NOL4: variants seen among roughly 807,000 people sequenced by gnomAD.
NOL4 encodes the protein cancer/testis antigen 125.
A neutral mutation model predicts 75.9 loss-of-function variants in NOL4; 17 were observed. The ratio of observed to expected loss-of-function variants is 0.22; its 90% CI spans 0.15 to 0.34. The LOEUF is 0.34. Ranked by LOEUF, NOL4 falls within the 10% of genes least tolerant of loss-of-function variation. NOL4 has a pLI of 1.00. For synonymous variants in NOL4, 292 were observed against 289.9 expected (o/e 1.01, Z -0.07); for missense variants, 614 against 793.5 (o/e 0.77, Z 2.72).
At chr18:33,947,958 G>A (rs1043725080) in intron 8 of NOL4, among the ~76,000 whole-genome samples, 1 of 151,878 alleles carries the variant, frequency 6.6e-6, no homozygotes, top group African/African-American at 2.4e-5. Context: ...TTGATAAAAT[G>A]TACCGTCACA....
intron 10 of NOL4, among the ~76,000 whole-genome samples, chr18:33,867,152 C>T (rs1311909272): frequency 1.3e-5 from 2 of 152,052 alleles, no homozygotes; most frequent in Non-Finnish European, 2.9e-5. Flanking sequence ...AATTGTTTGC[C>T]TAAATTCACA....
intron 9 of NOL4, among the ~76,000 whole-genome samples, chr18:33,927,237 T>C (rs2067392431): frequency 6.6e-6 from 1 of 152,176 alleles, no homozygotes; most frequent in South Asian, 2.1e-4. Flanking sequence ...GATCTTATTG[T>C]AGGACTTTCA....
chr18:33,948,877 A>C (rs575305782), intron 8 of NOL4, among the ~76,000 whole-genome samples: 1 of 152,136 alleles, frequency 6.6e-6, no homozygotes, highest in Non-Finnish European at 1.5e-5. Context: ...ATATACACGG[A>C]AGTGCATTAT....
intron 2 of NOL4, among the ~76,000 whole-genome samples, chr18:34,109,737 T>C (rs1039526073): frequency 1.3e-5 from 2 of 151,864 alleles, no homozygotes; most frequent in African/African-American, 4.8e-5. Context: ...TATTTATTTT[T>C]TGAAAAGATA....
chr18:34,123,532 CATATATATATATAT>C (rs34954122), intron 2 of NOL4, among the ~76,000 whole-genome samples: 1 of 129,342 alleles, frequency 7.7e-6, no homozygotes, highest in Non-Finnish European at 1.6e-5. Flanking sequence ...ATGTGATAAC[CATATATATATATAT>C]ATATATATAT....
At chr18:34,084,424 T>C (rs2078155398) in intron 5 of NOL4, among the ~76,000 whole-genome samples, 1 of 152,196 alleles carries the variant, frequency 6.6e-6, no homozygotes, top group African/African-American at 2.4e-5. Context: ...CAACTGCCTA[T>C]ATAATATTTG....
intron 6 of NOL4, among the ~76,000 whole-genome samples, chr18:33,967,645 G>C (rs2070712314): frequency 6.6e-6 from 1 of 152,076 alleles, no homozygotes; most frequent in South Asian, 2.1e-4. Flanking sequence ...ACTAAAAAGT[G>C]GGCAAAGGAC....
intron 1 of NOL4, among the ~76,000 whole-genome samples, chr18:34,199,131 C>A (rs916824801): frequency 4.7e-5 from 7 of 149,680 alleles, no homozygotes; most frequent in Admixed American, 2.0e-4. Context: ...CAGAGCAAAG[C>A]CTGGGACAGA....
At chr18:34,090,720 A>T (rs2145513388) in intron 5 of NOL4, among the ~76,000 whole-genome samples, 1 of 152,230 alleles carries the variant, frequency 6.6e-6, no homozygotes, top group African/African-American at 2.4e-5. Context: ...CTAAGGGTTG[A>T]CCAATGAATT....
intron 6 of NOL4, chr18:34,001,924 A>C (rs2073743604): frequency 6.6e-6 from 1 of 152,146 alleles, no homozygotes; most frequent in African/African-American, 2.4e-5. Context: ...GGTGCTGTGA[A>C]AGCATGGACT....
chr18:33,917,388 ATAT>A (rs569642316), intron 9 of NOL4, among the ~76,000 whole-genome samples: 3 of 152,250 alleles, frequency 2.0e-5, no homozygotes, highest in East Asian at 3.9e-4. Context: ...AAATTAGGTA[ATAT>A]TAATTTCTAT....
At chr18:34,008,077 G>T (rs575440539) in intron 6 of NOL4, among the ~76,000 whole-genome samples, 41 of 152,112 alleles carry the variant, frequency 2.7e-4, no homozygotes, top group African/African-American at 8.4e-4. Flanking sequence ...CATCCAATCT[G>T]TTGAGGGCCC....
chr18:34,216,667 A>C (rs2036913301), intron 1 of NOL4, among the ~76,000 whole-genome samples: 1 of 150,120 alleles, frequency 6.7e-6, no homozygotes, highest in Admixed American at 6.7e-5. Flanking sequence ...AGTGAAATGA[A>C]ATGTAAACCA....
At chr18:34,172,362 T>G (rs1430292161) in intron 1 of NOL4, among the ~76,000 whole-genome samples, 1 of 152,086 alleles carries the variant, frequency 6.6e-6, no homozygotes, top group African/African-American at 2.4e-5. Flanking sequence ...TGTATTATTT[T>G]TTATTCCATT....
intron 5 of NOL4, among the ~76,000 whole-genome samples, chr18:34,089,104 C>A (rs561947535): frequency 1.4e-4 from 22 of 151,924 alleles, no homozygotes; most frequent in Non-Finnish European, 2.4e-4. Flanking sequence ...TTTTCTATAA[C>A]CATAGTGAAA....
chr18:34,041,809 T>A (rs1308888295), intron 5 of NOL4, among the ~76,000 whole-genome samples: 2 of 151,988 alleles, frequency 1.3e-5, no homozygotes, highest in Non-Finnish European at 2.9e-5. Context: ...ACCTTGGGTT[T>A]GTTCTACAAG....
At chr18:33,926,191 C>A (rs530225690) in intron 9 of NOL4, among the ~76,000 whole-genome samples, 6 of 151,744 alleles carry the variant, frequency 4.0e-5, no homozygotes, top group Admixed American at 6.6e-5. Flanking sequence ...GAAACCCTGT[C>A]TCTACTAAAA....
intron 5 of NOL4, among the ~76,000 whole-genome samples, chr18:34,022,939 A>C (rs2075129230): frequency 6.6e-6 from 1 of 152,094 alleles, no homozygotes; most frequent in Admixed American, 6.6e-5. Context: ...GGCTTTAATA[A>C]GTGCCTTGTT....
At chr18:34,109,243 G>C (rs2079467354) in intron 2 of NOL4, among the ~76,000 whole-genome samples, 3 of 152,082 alleles carry the variant, frequency 2.0e-5, no homozygotes, top group Non-Finnish European at 4.4e-5. Flanking sequence ...AGAAGTGGTG[G>C]CTCATGCCTG....
Sources: gnomAD v4.1 joint callset for allele counts (sites outside exome capture counted in the v4.1 genomes callset) on GRCh38, gnomAD v4.1.1 for gene constraint, MANE v1.5 for transcripts, NCBI Gene and HGNC (gene_info 2026-07-23, HGNC 2026-07-21) for gene names.